USH1C: variants seen among roughly 807,000 people sequenced by gnomAD.
The protein encoded by USH1C is USH1 protein network component harmonin.
Under a neutral mutation model 119.3 loss-of-function variants are expected in USH1C, and 90 were observed. The ratio of observed to expected loss-of-function variants is 0.75; its 90% CI spans 0.64 to 0.90. USH1C has a LOEUF of 0.90. Among genes scored for constraint, USH1C ranks in the 40% least tolerant of loss-of-function variants. USH1C has a pLI of 0.00. For missense variants in USH1C, 1,165 were observed against 1,167.7 expected (o/e 1.00, Z 0.03); for synonymous variants, 465 against 443.3 (o/e 1.05, Z -0.62).
chr11:17,535,731 C>T (rs148539520), intron 1 of USH1C, among the ~76,000 whole-genome samples: 14 of 152,270 alleles, frequency 9.2e-5, no homozygotes, highest in African/African-American at 2.6e-4. Flanking sequence ...ATGCCCCATG[C>T]GGTGGCACCA....
At chr11:17,533,368 C>T (rs747912146) in intron 1 of USH1C, 46 bp from the exon 2 acceptor site, 4 of 1,380,366 alleles carry the variant, frequency 2.9e-6, no homozygotes, top group Non-Finnish European at 4.1e-6. Flanking sequence ...TCAGCACCCG[C>T]CCCCATAGCA....
rs1237274007 is a variant in USH1C, at chr11:17,494,122, G to A, written c.*210C>T. The A allele has an allele frequency of 6.5e-6, 4 of 614,760 alleles. No individual in the cohort carries two copies. Among genetic ancestry groups the A allele is most frequent in the South Asian group, 5.7e-5 (3 of 52,508 alleles). 38.1% of individuals were successfully genotyped at this position (614,760 alleles called of 1,614,324 possible). ...GGATCCTTGAGATCTTCTCCCAAATGGCTGGCTGCTCCCTTTCCTCCACGT... is the reference window on the plus strand; with the variant it reads ...GGATCCTTGAGATCTTCTCCCAAATAGCTGGCTGCTCCCTTTCCTCCACGT... On this transcript the variant is annotated 3_prime_UTR_variant, in exon 27 of 27. Coordinates refer to ENST00000005226, the MANE Select transcript of USH1C (RefSeq NM_153676.4).
Position 17,514,098 on chromosome 11 carries a change from A to T in USH1C, c.1261-2044T>A, listed in dbSNP as rs549533353. Reference sequence around the variant, plus strand: ...TCAAGCAATTCTGATGAAAGGGCTTAGTCAGAATCATGAATCCTTCATGCC... The same window carrying T: ...TCAAGCAATTCTGATGAAAGGGCTTTGTCAGAATCATGAATCCTTCATGCC... On this transcript the variant is annotated intron_variant, in intron 15 of 26. Transcript: ENST00000005226. Among the ~76,000 whole-genome samples, 150 of 152,380 alleles carry T rather than the reference A, an allele frequency of 9.8e-4. 7 individuals are homozygous for T. The South Asian group carries it at 0.03, about 30-fold the overall frequency.
intron 15 of USH1C, among the ~76,000 whole-genome samples, chr11:17,513,914 C>T (rs1357845350): frequency 6.6e-6 from 1 of 152,206 alleles, no homozygotes; most frequent in Admixed American, 6.5e-5. Context: ...GTCTCATGCC[C>T]AAGAAAGTCA....
intron 4 of USH1C, among the ~76,000 whole-genome samples, chr11:17,528,965 T>C (rs531100090): frequency 6.6e-6 from 1 of 152,360 alleles, no homozygotes; most frequent in South Asian, 2.1e-4. Flanking sequence ...AGAGGTAAAG[T>C]GACTTGCTCA....
chr11:17,509,495 G>A lies in USH1C; in HGVS notation c.1874C>T (p.Ala625Val), dbSNP rs727505187. The A allele has an allele frequency of 8.1e-6, 13 of 1,609,308 alleles. No homozygotes were observed. Among genetic ancestry groups the A allele is most frequent in the East Asian group, 6.7e-5 (3 of 44,472 alleles). Residue 625 changes from alanine (A) to valine (V), a missense_variant, in exon 18 of 27, where the codon GCG becomes GTG. Transcript: ENST00000005226. ...ATGGTTGCTCAGTGCTTCTTCCAGCGCCGAGGGCAGTGGGCGGGTGGGAGT... is the reference window on the plus strand; with the variant it reads ...ATGGTTGCTCAGTGCTTCTTCCAGCACCGAGGGCAGTGGGCGGGTGGGAGT... ...DLTPTRPLPS[A>V]LEEALSNHPF... is the part of the protein sequence containing the mutation.
chr11:17,540,660 T>G (rs1319995129), intron 1 of USH1C, among the ~76,000 whole-genome samples: 1 of 152,212 alleles, frequency 6.6e-6, no homozygotes, highest in Non-Finnish European at 1.5e-5. Flanking sequence ...AAATGTGGAT[T>G]CACCCTTGAT....
intron 1 of USH1C, among the ~76,000 whole-genome samples, chr11:17,541,509 G>A (rs571209526): frequency 6.6e-6 from 1 of 152,328 alleles, no homozygotes; most frequent in South Asian, 2.1e-4. Context: ...ATAAATGCAT[G>A]ATTGCTGAAG....
intron 21 of USH1C, 103 bp from the exon 22 acceptor site, chr11:17,501,638 A>G: frequency 2.2e-6 from 3 of 1,352,008 alleles, no homozygotes; most frequent in East Asian, 2.5e-5. Context: ...ACTGGGCCCC[A>G]CAGAGCACAT....
At chr11:17,497,805 C>T (rs1282862676) in intron 24 of USH1C, among the ~76,000 whole-genome samples, 1 of 152,190 alleles carries the variant, frequency 6.6e-6, no homozygotes, top group African/African-American at 2.4e-5. Flanking sequence ...ATCCTGGGTT[C>T]TCTGCTTTTG....
In USH1C at chr11:17,531,804, C is replaced by A. The variant is rs558706914; in HGVS notation, c.105-262G>T. Among the ~76,000 whole-genome samples the A allele has an allele frequency of 6.6e-6, 1 of 152,194 alleles. No homozygotes were observed. The highest frequency in any genetic ancestry group is 1.5e-5 in the Non-Finnish European group (1 of 68,036). On this transcript the variant is annotated intron_variant, in intron 2 of 26. Coordinates refer to ENST00000005226, the MANE Select transcript of USH1C (RefSeq NM_153676.4). The surrounding 1 kb of genome is among the most constrained non-coding windows in gnomAD (Gnocchi z 4.2). ...GATGAAGCCAGGATTTCAAACTCAG[C>A]GCTGCCTATCTCGGCTGTTGGGATC...
chr11:17,522,533 A>G (rs1456072973), intron 12 of USH1C, among the ~76,000 whole-genome samples: 1 of 152,224 alleles, frequency 6.6e-6, no homozygotes, highest in Non-Finnish European at 1.5e-5. Context: ...TACTGCTAGT[A>G]GGATGCTTAT....
rs375364840 is a variant in USH1C, at chr11:17,495,662, G to A, written c.2562C>T (p.Ser854=). Residue 854 remains serine (S), a synonymous_variant, in exon 26 of 27, where the codon TCC becomes TCT. Coordinates refer to ENST00000005226, the MANE Select transcript of USH1C (RefSeq NM_153676.4). ...CCGGTTGGGGGCTTTCAGCTACGGA[G>A]GAGGGAAGAGAAGCTCTATATATAC... ...EYDDELASLP[S]SVAESPQPVR... is the part of the protein sequence containing the mutation. The A allele has an allele frequency of 1.1e-5, 18 of 1,614,076 alleles. No individual in the cohort carries two copies. The African/African-American group carries it at 1.2e-4, about 11-fold the overall frequency.
intron 14 of USH1C, chr11:17,516,680 G>C: frequency 3.1e-6 from 1 of 322,640 alleles, no homozygotes; most frequent in Non-Finnish European, 6.0e-6. Flanking sequence ...ACCCATGTCT[G>C]GTCCCTCCAT....
At chr11:17,509,205 A>T in intron 18 of USH1C, 151 bp downstream of exon 18, 1 of 1,103,862 alleles carries the variant, frequency 9.1e-7, no homozygotes, top group Non-Finnish European at 1.2e-6. Context: ...CAGGATGTCC[A>T]CACATGCACA....
chr11:17,510,537 G>C lies in USH1C; in HGVS notation c.1414-16C>G. On this transcript the variant is annotated splice_polypyrimidine_tract_variant and intron_variant, in intron 16 of 26. Coordinates refer to ENST00000005226, the MANE Select transcript of USH1C (RefSeq NM_153676.4). ...TCTCAGACACCTGGGACCCAGGATC[G>C]GCGCAGAAAGGAGAGGACAAAGGGC... is the stretch of plus-strand genomic sequence containing the variant. 1 of 1,592,638 alleles carries C rather than the reference G, an allele frequency of 6.3e-7. No homozygotes were observed. Among genetic ancestry groups the C allele is most frequent in the Non-Finnish European group, 8.6e-7 (1 of 1,160,640 alleles).
intron 20 of USH1C, 83 bp from the exon 21 acceptor site, chr11:17,502,063 G>T: frequency 6.9e-7 from 1 of 1,448,546 alleles, no homozygotes; most frequent in Non-Finnish European, 9.6e-7. Flanking sequence ...TGAATGGTCG[G>T]AATCCAAGGG....
chr11:17,517,304 C>T, intron 14 of USH1C: 1 of 1,277,128 alleles, frequency 7.8e-7, no homozygotes, highest in Non-Finnish European at 1.1e-6. Flanking sequence ...CCCACACATG[C>T]TGGGCCCCTG....
chr11:17,531,722 T>C lies in USH1C; in HGVS notation c.105-180A>G, dbSNP rs895077934. The stretch of plus-strand genomic sequence containing the variant: ...TGCCTGAGAAGACTTTGTTCTCTTA[T>C]ATAAATATCCCCAGGAAACCAGTCT... On this transcript the variant is annotated intron_variant, in intron 2 of 26. Transcript: ENST00000005226. This position sits in a 1 kb window ranked among gnomAD's most constrained non-coding sequence, Gnocchi z 4.2. 2.0e-5 allele frequency among the ~76,000 whole-genome samples: 3 copies of C among 152,208 alleles called. No homozygotes were observed. The highest frequency in any genetic ancestry group is 2.9e-5 in the Non-Finnish European group (2 of 68,034).
Sources: gnomAD v4.1 joint callset for allele counts (sites outside exome capture counted in the v4.1 genomes callset) on GRCh38, gnomAD v4.1.1 for gene constraint, Gnocchi (gnomAD v3.1) non-coding constraint, MANE v1.5 for transcripts, NCBI Gene and HGNC (gene_info 2026-07-23, HGNC 2026-07-21) for gene names.